Variants in HYDIN observed in about 807,000 individuals in gnomAD.
The protein encoded by HYDIN is axonemal central pair apparatus protein HYDIN.
A neutral mutation model predicts 403.9 loss-of-function variants in HYDIN; 132 were observed. The ratio of observed to expected loss-of-function variants is 0.33; its 90% confidence interval spans 0.28 to 0.38. The LOEUF is 0.38. Among genes scored for constraint, HYDIN ranks in the 10% least tolerant of loss-of-function variants. The pLI is 1.00. For missense variants in HYDIN, 2,827 were observed against 5,009.5 expected, an observed-to-expected ratio of 0.56 and a Z score of 13.15; for synonymous variants, 1,202 against 1,891.7, an observed-to-expected ratio of 0.64 and a Z score of 9.46.
intron 21 of HYDIN, among the ~76,000 whole-genome samples, chr16:71,021,674 C>T (rs2080501511): frequency 6.6e-6 from 1 of 152,014 alleles, no homozygotes; most frequent in Non-Finnish European, 1.5e-5. Context: ...TGACCAGGAG[C>T]CTCAATCTTT....
intron 62 of HYDIN, among the ~76,000 whole-genome samples, chr16:70,875,666 T>C (rs2040402841): frequency 6.6e-6 from 1 of 152,232 alleles, no homozygotes; most frequent in Non-Finnish European, 1.5e-5. Flanking sequence ...ATGGAAGAAT[T>C]ATATGTAAGA....
At chr16:71,022,997 G>C (rs1340985278) in intron 21 of HYDIN, among the ~76,000 whole-genome samples, 5 of 151,680 alleles carry the variant, frequency 3.3e-5, no homozygotes, top group Admixed American at 1.3e-4. Context: ...AAACTAGGCT[G>C]CATATTTAAC....
In HYDIN at chr16:70,849,166, C is replaced by T. The variant is rs566200063; in HGVS notation, c.12873+560G>A. Among the ~76,000 whole-genome samples the T allele has an allele frequency of 7.6e-3, 1,154 of 152,130 alleles. 9 individuals carry two copies. Among genetic ancestry groups the T allele is most frequent in the Non-Finnish European group, 0.011 (746 of 68,002 alleles). On this transcript the variant is annotated intron_variant, in intron 75 of 85. Coordinates refer to ENST00000393567, the MANE Select transcript of HYDIN (RefSeq NM_001270974.2). Reference sequence around the variant, plus strand: ...ATTGCCAAATTGTTGGTTTTCAAGGCTACTGCAGAGCTGGGATGAGGGAGG... The same window carrying T: ...ATTGCCAAATTGTTGGTTTTCAAGGTTACTGCAGAGCTGGGATGAGGGAGG...
At chr16:70,910,071 C>G (rs1480733370) in intron 47 of HYDIN, among the ~76,000 whole-genome samples, 1 of 151,694 alleles carries the variant, frequency 6.6e-6, no homozygotes, top group Non-Finnish European at 1.5e-5. Context: ...TGTTATGTTT[C>G]TTTTTTAATT....
intron 10 of HYDIN, among the ~76,000 whole-genome samples, chr16:71,098,726 C>T (rs77846979): frequency 0.019 from 2,595 of 136,444 alleles, no homozygotes; most frequent in East Asian, 0.088. Context: ...ACCTTGACTG[C>T]CTTTCTTAAA....
At position 71,186,788 on chromosome 16, in the gene HYDIN, C is replaced by G. The variant is rs1359076358; in HGVS notation, c.108G>C (p.Val36=). ...SKVLPPLSPK[V]VTEEEVNRML... is the part of the protein sequence containing the mutation. ...TTCGGTTTACTTCTTCTTCTGTAAC[C>G]ACCTTTGGACTCAGGGGTGGCAAAA... is the stretch of plus-strand genomic sequence containing the variant. The change falls in exon 2 of 86, where the codon GTG becomes GTC. Residue 36 remains valine (V), a synonymous_variant. Coordinates refer to ENST00000393567, the MANE Select transcript of HYDIN (RefSeq NM_001270974.2). 6.2e-7 allele frequency: 1 copy of G among 1,612,984 alleles called. No homozygotes were observed. The highest frequency in any genetic ancestry group is 1.7e-5 in the Admixed American group (1 of 59,916).
chr16:70,854,616 T>C (rs1473659843), intron 73 of HYDIN, among the ~76,000 whole-genome samples: 2 of 136,636 alleles, frequency 1.5e-5, no homozygotes, highest in Non-Finnish European at 3.1e-5. Flanking sequence ...GGTTTCACCA[T>C]GTTGGCCAGG....
At chr16:70,878,666 T>A (rs376331640) in intron 62 of HYDIN, among the ~76,000 whole-genome samples, 1 of 145,036 alleles carries the variant, frequency 6.9e-6, no homozygotes, top group Non-Finnish European at 1.5e-5. Context: ...GTTTTGTTTT[T>A]TGGCTTCTGC....
chr16:71,098,203 CT>C (rs374205374), intron 10 of HYDIN, among the ~76,000 whole-genome samples: 24 of 130,394 alleles, frequency 1.8e-4, no homozygotes, highest in African/African-American at 3.0e-4. Context: ...AACTTTCTTT[CT>C]TTTTTTTTTT....
chr16:71,161,280 A>C (rs1371430372), intron 6 of HYDIN, among the ~76,000 whole-genome samples: 2 of 152,042 alleles, frequency 1.3e-5, no homozygotes, highest in African/African-American at 4.8e-5. Context: ...CAGGAGGCGG[A>C]GCTCAGGCGG....
At chr16:70,847,966 T>C (rs1245307347) in intron 75 of HYDIN, among the ~76,000 whole-genome samples, 2 of 147,182 alleles carry the variant, frequency 1.4e-5, no homozygotes, top group Admixed American at 6.9e-5. Flanking sequence ...TGTTCATTTT[T>C]CTTCATTCTT....
intron 1 of HYDIN, among the ~76,000 whole-genome samples, chr16:71,208,685 A>C (rs2088424364): frequency 6.6e-6 from 1 of 152,180 alleles, no homozygotes; most frequent in Non-Finnish European, 1.5e-5. Flanking sequence ...AAAAGAGAGA[A>C]GATCCAAATA....
intron 7 of HYDIN, among the ~76,000 whole-genome samples, chr16:71,140,798 ATATAGGCCAATC>A (rs1224219708): frequency 6.6e-6 from 1 of 152,096 alleles, no homozygotes; most frequent in Admixed American, 6.6e-5. Context: ...TATAACAACG[ATATAGGCCAATC>A]TATAGGCCAA....
At chr16:71,146,176 C>T (rs1176294392) in intron 7 of HYDIN, among the ~76,000 whole-genome samples, 3 of 152,054 alleles carry the variant, frequency 2.0e-5, no homozygotes, top group Admixed American at 2.0e-4. Flanking sequence ...TTTTTACCAA[C>T]AATTATTTTA....
rs1443989850 is a variant in HYDIN, at chr16:70,981,325, C to T, written c.4510+66G>A. The T allele has an allele frequency of 2.0e-6, 3 of 1,509,304 alleles. No homozygotes were observed. The East Asian group carries it at 6.9e-5, about 35-fold the overall frequency. 93.5% of individuals were successfully genotyped at this position (1,509,304 alleles called of 1,614,324 possible). ...AATAAAGTAAGTAGCCAGCAATCTT[C>T]CAATAAGCAAAGCTAAAATGCTTGT... On this transcript the variant is annotated intron_variant, in intron 29 of 85. Transcript: ENST00000393567.
chr16:70,831,494 G>C (rs1450085160), intron 80 of HYDIN, among the ~76,000 whole-genome samples: 5 of 130,552 alleles, frequency 3.8e-5, no homozygotes, highest in Admixed American at 7.9e-5. Flanking sequence ...GGGGAACAGA[G>C]TGAGACTCTG....
chr16:70,959,255 C>T (rs1208019900), intron 39 of HYDIN: 1 of 162,418 alleles, frequency 6.2e-6, no homozygotes, highest in Non-Finnish European at 1.3e-5. Context: ...AGGATTCACA[C>T]TGCAGGTATG....
chr16:71,081,733 C>A (rs1401924927), intron 12 of HYDIN, among the ~76,000 whole-genome samples: 2 of 149,710 alleles, frequency 1.3e-5, no homozygotes, highest in Non-Finnish European at 3.0e-5. Context: ...TTAGGACAAT[C>A]TATGCCAAGG....
intron 55 of HYDIN, among the ~76,000 whole-genome samples, chr16:70,893,260 C>T (rs2041583038): frequency 6.6e-6 from 1 of 152,098 alleles, no homozygotes; most frequent in Admixed American, 6.5e-5. Context: ...CAGCTAATGC[C>T]CCTGTCTTAA....
Sources: allele counts gnomAD v4.1 joint callset (sites outside exome capture counted in the v4.1 genomes callset), GRCh38; gene constraint gnomAD v4.1.1; transcripts MANE v1.5; gene names NCBI Gene and HGNC (gene_info 2026-07-23, HGNC 2026-07-21).